Variants in PRH1 observed in about 807,000 individuals in gnomAD.
PRH1 encodes salivary acidic proline-rich phosphoprotein 1/2.
PRH1 carries 7 observed loss-of-function variants against 7.9 expected under a neutral mutation model. That is an observed-to-expected ratio of 0.89 (90% CI 0.50 to 1.67). The LOEUF is 1.67. Among genes scored for constraint, PRH1 ranks in the 40% most tolerant of loss-of-function variants. The pLI, the probability that PRH1 is intolerant of heterozygous loss-of-function variation, is 0.00. For missense variants in PRH1, 109 were observed against 223.6 expected (o/e 0.49, Z 3.27); for synonymous variants, 45 against 80.8 (o/e 0.56, Z 2.38).
At chr12:11,148,367 G>C (rs1229383871) in intron 1 of PRH1, among the ~76,000 whole-genome samples, 2 of 151,156 alleles carry the variant, frequency 1.3e-5, no homozygotes, top group Non-Finnish European at 3.0e-5. Context: ...TCTTGTGCCA[G>C]TTTTCAAAGG....
intron 2 of PRH1, among the ~76,000 whole-genome samples, chr12:10,946,775 G>T (rs1256177493): frequency 6.6e-6 from 1 of 152,018 alleles, no homozygotes; most frequent in Non-Finnish European, 1.5e-5. Flanking sequence ...TGGGCATTTA[G>T]TGCTATGAAT....
At chr12:10,916,541 CA>C (rs1162863121) in intron 2 of PRH1, among the ~76,000 whole-genome samples, 3 of 151,848 alleles carry the variant, frequency 2.0e-5, no homozygotes, top group Non-Finnish European at 4.4e-5. Flanking sequence ...TAGAAAATAA[CA>C]GTAACAACCA....
At chr12:11,133,458 A>G (rs1297164993) in intron 1 of PRH1, 1 of 1,613,990 alleles carries the variant, frequency 6.2e-7, no homozygotes, top group African/African-American at 1.3e-5. Context: ...GCTTGGCAGA[A>G]CATGAAGACA....
rs754965395 is a variant in PRH1 at position 11,133,331 on chromosome 12, C to T, written n.40-12151G>A. The T allele has an allele frequency of 8.7e-5, 140 of 1,613,720 alleles. No homozygotes were observed. In the East Asian group the frequency reaches 2.3e-3, roughly 26 times the overall value. On this transcript the variant is annotated intron_variant and non_coding_transcript_variant, in intron 1 of 1. Transcript: ENST00000541175. ...TCTTGTGAATCTATGGAGACGAAGG[C>T]TTCTGTCTTTCACCCAGTACCTCAC...
chr12:11,091,142 A>ATATATATATATATATATATATATT (rs1565644350), intron 1 of PRH1: 1 of 141,770 alleles, frequency 7.1e-6, no homozygotes, highest in Non-Finnish European at 1.5e-5. Flanking sequence ...ATATATATAT[A>ATATATATATATATATATATATATT]TTTTCTAGAC....
upstream of PRH1, chr12:11,171,481 C>T: frequency 3.2e-6 from 4 of 1,232,404 alleles, no homozygotes; most frequent in African/African-American, 1.5e-5. Context: ...TTCGAGCTGG[C>T]CTGGCAGCTG....
intron 1 of PRH1, among the ~76,000 whole-genome samples, chr12:11,102,070 T>C (rs992936421): frequency 2.6e-5 from 4 of 152,160 alleles, no homozygotes; most frequent in African/African-American, 4.8e-5. Flanking sequence ...GAACATTCCA[T>C]GCTCATGGAT....
At position 11,079,682 on chromosome 12, in the gene PRH1, G is replaced by A. The variant is rs1208659140; in HGVS notation, n.124-32494C>T. ...AGGATTCAAGGGAAAAATAGACAGA[G>A]AATGTCAAAGTTTTGTCACATGAAG... is the stretch of plus-strand genomic sequence containing the variant. On this transcript the variant is annotated intron_variant and non_coding_transcript_variant, in intron 1 of 4. Coordinates refer to the PRH1 transcript ENST00000541977. 4.2e-5 allele frequency among the ~76,000 whole-genome samples: 5 copies of A among 117,718 alleles called. 1 individual carries two copies. The highest frequency in any genetic ancestry group is 3.4e-4 in the Admixed American group (4 of 11,806). 77.2% of individuals were successfully genotyped at this position (117,718 alleles called of 152,430 possible).
chr12:11,133,184 G>T (rs1946423602), intron 1 of PRH1: 2 of 1,443,914 alleles, frequency 1.4e-6, no homozygotes, highest in East Asian at 2.4e-5. Flanking sequence ...TTAGGTAAAA[G>T]ACTTTTCTAG....
Position 10,884,234 on chromosome 12 carries a change from G to A in PRH1, c.-17C>T, listed in dbSNP as rs779325745. 7.4e-6 allele frequency: 12 copies of A among 1,614,024 alleles called. No homozygotes were observed. Among genetic ancestry groups the A allele is most frequent in the South Asian group, 5.5e-5 (5 of 91,088 alleles). ...CAGAAGCATCTTGCAGGAGGCTCTG[G>A]TGTCACTCCCAACTTTGTGCTGGGA... On this transcript the variant is annotated 5_prime_UTR_variant, in exon 1 of 4. Transcript: ENST00000543626.
rs529185726 is a variant in PRH1 at position 10,947,216 on chromosome 12, C to G, written c.-59+26439G>C. On this transcript the variant is annotated intron_variant, in intron 2 of 3. Transcript: ENST00000539853. ...TTCTGCCTGTATGATCTAATACTGT[C>G]AGTGGAGTGTTGATGTCACTCACTA... is the stretch of plus-strand genomic sequence containing the variant. 1.2e-3 allele frequency among the ~76,000 whole-genome samples: 179 copies of G among 152,242 alleles called. 1 individual carries two copies. The highest frequency in any genetic ancestry group is 1.8e-3 in the Admixed American group (28 of 15,300).
At chr12:11,107,874 G>A (rs1040282736) in intron 1 of PRH1, among the ~76,000 whole-genome samples, 1 of 152,184 alleles carries the variant, frequency 6.6e-6, no homozygotes, top group African/African-American at 2.4e-5. Flanking sequence ...ATTTCCCTAA[G>A]CTCAAGGATA....
intron 1 of PRH1, among the ~76,000 whole-genome samples, chr12:11,005,164 G>T (rs1056645676): frequency 6.6e-6 from 1 of 152,092 alleles, no homozygotes; most frequent in African/African-American, 2.4e-5. Flanking sequence ...TGTCTTTATG[G>T]AAAACATGAT....
chr12:10,980,515 T>A (rs1939301568), intron 1 of PRH1, among the ~76,000 whole-genome samples: 1 of 152,118 alleles, frequency 6.6e-6, no homozygotes, highest in African/African-American at 2.4e-5. Flanking sequence ...TAACTGACAT[T>A]TGAAGAAAAA....
In PRH1 at chr12:11,062,321, A is replaced by T. The variant is rs548608521; in HGVS notation, n.124-15133T>A. 41 of 1,571,030 alleles carry T rather than the reference A, an allele frequency of 2.6e-5. No homozygotes were observed. The Admixed American group carries it at 6.1e-4, about 23-fold the overall frequency. ...TCTGAACAGACAAAAAGAAATTTTTAAAATGCTGGTGTAATATCACTGGTT... is the reference window on the plus strand; with the variant it reads ...TCTGAACAGACAAAAAGAAATTTTTTAAATGCTGGTGTAATATCACTGGTT... On this transcript the variant is annotated intron_variant and non_coding_transcript_variant, in intron 1 of 4. Transcript: ENST00000541977.
Position 10,965,381 on chromosome 12 carries a change from T to G in PRH1, c.-59+8274A>C, listed in dbSNP as rs11054098. 2.8e-5 allele frequency: 28 copies of G among 988,168 alleles called. No individual in the cohort carries two copies. The African/African-American group carries it at 4.3e-4, about 15-fold the overall frequency. 61.2% of individuals were successfully genotyped at this position (988,168 alleles called of 1,614,324 possible). ...TGAACAGACAAAAAGATAGAATAAA[T>G]GAAGGCCTAACAGCACTGGCTGTGA... On this transcript the variant is annotated intron_variant, in intron 2 of 3. Transcript: ENST00000539853.
chr12:10,920,275 T>A (rs147291600), intron 2 of PRH1, among the ~76,000 whole-genome samples: 13 of 152,210 alleles, frequency 8.5e-5, no homozygotes, highest in Middle Eastern at 3.4e-3. Context: ...TTTGAATACT[T>A]AATTCATGTG....
At chr12:11,105,725 C>A (rs1945389463) in intron 1 of PRH1, among the ~76,000 whole-genome samples, 1 of 152,154 alleles carries the variant, frequency 6.6e-6, no homozygotes, top group Non-Finnish European at 1.5e-5. Context: ...CAACCTAATA[C>A]AGAGATGACA....
At chr12:10,908,895 A>C in intron 2 of PRH1, 1 of 1,613,076 alleles carries the variant, frequency 6.2e-7, no homozygotes, top group Non-Finnish European at 8.5e-7. Flanking sequence ...CAAGGTTCCT[A>C]GCAGTATCAT....
Sources: allele counts gnomAD v4.1 joint callset (sites outside exome capture counted in the v4.1 genomes callset), GRCh38; gene constraint gnomAD v4.1.1; transcripts MANE v1.5; gene names NCBI Gene and HGNC (gene_info 2026-07-23, HGNC 2026-07-21).